Variants in MACF1 observed in about 807,000 individuals in gnomAD.
MACF1 encodes microtubule actin crosslinking factor 1.
MACF1 carries 193 observed loss-of-function variants against 854.8 expected under a neutral mutation model. That is an observed-to-expected ratio of 0.23 (90% CI 0.20 to 0.25). The LOEUF (loss-of-function observed/expected upper bound fraction) is 0.25, where lower values mean the gene tolerates loss of function less well. Among genes scored for constraint, MACF1 ranks in the 10% least tolerant of loss-of-function variants. MACF1 has a pLI of 1.00. For missense variants in MACF1, 7,722 were observed against 8,929.1 expected (o/e 0.86, Z 5.45); for synonymous variants, 3,185 against 3,226.7 (o/e 0.99, Z 0.44).
intron 70 of MACF1, chr1:39,436,071 C>T (rs953761587): frequency 1.5e-5 from 6 of 407,554 alleles, no homozygotes; most frequent in Admixed American, 4.2e-5. Context: ...GATTCAAAAG[C>T]AGTGACTGCC....
intron 2 of MACF1, among the ~76,000 whole-genome samples, chr1:39,101,370 AT>A (rs1388179503): frequency 0.034 from 2,346 of 69,042 alleles, 50 homozygotes; most frequent in African/African-American, 0.1. Context: ...AAAAAAAAAA[AT>A]ATGTATATAT....
Position 39,105,324 on chromosome 1 carries a change from C to CGCT in MACF1, c.220+20888_220+20889insTGC. The CGCT allele has an allele frequency of 1.2e-6, 1 of 831,178 alleles. No homozygotes were observed. Among genetic ancestry groups the CGCT allele is most frequent in the African/African-American group, 1.8e-5 (1 of 54,076 alleles). 51.5% of individuals were successfully genotyped at this position (831,178 alleles called of 1,614,324 possible). On this transcript the variant is annotated intron_variant, in intron 2 of 93. Transcript: ENST00000361689. The surrounding 1 kb of genome is among the most constrained non-coding windows in gnomAD (Gnocchi z 5.9). ...GCCTGGCGCTCCTGACAGGAGGAGCCGCCGCCGCCGCCCGCCGCTGCAGCC... is the reference window on the plus strand; with the variant it reads ...GCCTGGCGCTCCTGACAGGAGGAGCCGCTGCCGCCGCCGCCCGCCGCTGCAGCC...
In MACF1 at chr1:39,334,943, A is replaced by G; in HGVS notation, c.8355A>G (p.Gln2785=). 1 of 1,614,204 alleles carries G rather than the reference A, an allele frequency of 6.2e-7. No homozygotes were observed. The highest frequency in any genetic ancestry group is 8.5e-7 in the Non-Finnish European group (1 of 1,180,012). ...KQEGIEVCAL[Q]NEFLGKDMLI... ...AAGGGATTGAAGTGTGTGCATTACA[A>G]AATGAATTTCTAGGAAAGGATATGT... Residue 2785 remains glutamine, a synonymous_variant, in exon 37 of 101, where the codon CAA becomes CAG. Transcript: ENST00000564288.
rs1400131177 is a variant in MACF1, at chr1:39,186,208, CTCTCTCTGTGTGTG to C, written c.221-44972_221-44959del. On this transcript the variant is annotated intron_variant, in intron 2 of 93. Transcript: ENST00000361689. The stretch of plus-strand genomic sequence containing the variant: ...TCTCTCTCTCTCTCTCTCTCTCTCT[CTCTCTCTGTGTGTG>C]TGTGTGTGTGTGTGTGTGTGTGTGT... Among the ~76,000 whole-genome samples, 9 of 62,284 alleles carry C rather than the reference CTCTCTCTGTGTGTG, an allele frequency of 1.4e-4. 1 individual carries two copies. The East Asian group carries it at 4.4e-3, about 31-fold the overall frequency. The allele number at this position is 62,284 out of a possible 152,430, so 40.9% of individuals were successfully genotyped here.
chr1:39,475,227 G>A (rs1203006894), intron 97 of MACF1, among the ~76,000 whole-genome samples: 2 of 152,178 alleles, frequency 1.3e-5, no homozygotes, highest in Non-Finnish European at 2.9e-5. Flanking sequence ...CTCACTTGGG[G>A]AATTCTGCTA....
intron 52 of MACF1, among the ~76,000 whole-genome samples, 162 bp from the exon 53 acceptor site, chr1:39,378,299 G>A (rs1649889297): frequency 6.6e-6 from 1 of 152,186 alleles, no homozygotes; most frequent in South Asian, 2.1e-4. Flanking sequence ...TTGTTGCCTG[G>A]CAGCTAAAAT....
chr1:39,093,482 A>ATTT (rs35211687), intron 2 of MACF1, among the ~76,000 whole-genome samples: 17 of 104,260 alleles, frequency 1.6e-4, no homozygotes, highest in Non-Finnish European at 2.1e-4. Flanking sequence ...CGCCTGGCTA[A>ATTT]TTTTTTTTTT....
At chr1:39,265,787 C>T (rs1488381494) in intron 6 of MACF1, among the ~76,000 whole-genome samples, 5 of 152,126 alleles carry the variant, frequency 3.3e-5, no homozygotes, top group Non-Finnish European at 7.4e-5. Flanking sequence ...AGGATCCCCC[C>T]GGGGGCTGGG....
chr1:39,324,136 C>A, intron 33 of MACF1, 57 bp from the exon 34 acceptor site: 1 of 1,503,644 alleles, frequency 6.7e-7, no homozygotes, highest in Non-Finnish European at 8.9e-7. Flanking sequence ...AATCTGAAGT[C>A]GTGCCAGCCT....
chr1:39,294,508 A>G (rs1330532986), intron 18 of MACF1, among the ~76,000 whole-genome samples: 1 of 152,240 alleles, frequency 6.6e-6, no homozygotes, highest in Non-Finnish European at 1.5e-5. Context: ...GGATACTATA[A>G]TACAATAAAC....
chr1:39,108,206 G>A (rs941934650), intron 2 of MACF1, among the ~76,000 whole-genome samples: 1 of 152,114 alleles, frequency 6.6e-6, no homozygotes, highest in Non-Finnish European at 1.5e-5. Flanking sequence ...AATAACACTG[G>A]ATTCTAACAG....
intron 2 of MACF1, among the ~76,000 whole-genome samples, chr1:39,242,934 A>G (rs1403650460): frequency 6.6e-6 from 1 of 152,038 alleles, no homozygotes; most frequent in Non-Finnish European, 1.5e-5. Flanking sequence ...GTCTGGACGT[A>G]TGTTTTCAGT....
chr1:39,128,919 G>A (rs963642277), intron 2 of MACF1, among the ~76,000 whole-genome samples: 1 of 152,164 alleles, frequency 6.6e-6, no homozygotes, highest in Non-Finnish European at 1.5e-5. Context: ...ATCGTCACTT[G>A]TATTTTATTA....
In MACF1 at chr1:39,353,123, G is replaced by T. The variant is rs1647248719; in HGVS notation, c.11316G>T (p.Glu3772Asp). ...GQLLTNLPGM[E>D]QLSGASLEKG... Reference sequence around the variant, plus strand: ...TGCTGACCAACCTTCCAGGAATGGAGCAGCTCTCGGGAGCTAGCTTGGAGA... The same window carrying T: ...TGCTGACCAACCTTCCAGGAATGGATCAGCTCTCGGGAGCTAGCTTGGAGA... Residue 3772 changes from glutamate (E) to aspartate (D), a missense_variant, in exon 44 of 101, where the codon GAG (glutamate) becomes GAT (aspartate). Coordinates refer to ENST00000564288, the MANE Select transcript of MACF1 (RefSeq NM_001394062.1). 1.2e-6 allele frequency: 2 copies of T among 1,614,150 alleles called. No individual in the cohort carries two copies. Among genetic ancestry groups the T allele is most frequent in the Non-Finnish European group, 8.5e-7 (1 of 1,179,988 alleles).
chr1:39,322,578 G>A lies in MACF1; in HGVS notation c.4030-30G>A, dbSNP rs771778383. 2.0e-6 allele frequency: 3 copies of A among 1,535,384 alleles called. No homozygotes were observed. The South Asian group carries it at 3.4e-5, about 17-fold the overall frequency. On this transcript the variant is annotated intron_variant, in intron 31 of 100. Transcript: ENST00000564288. ...ATGTATGTGAATTATAAAACCCTGAGTAACTGTAGCGAAATTCATCCTTTC... is the reference window on the plus strand; with the variant it reads ...ATGTATGTGAATTATAAAACCCTGAATAACTGTAGCGAAATTCATCCTTTC...
intron 58 of MACF1, among the ~76,000 whole-genome samples, chr1:39,408,728 C>T (rs984838816): frequency 2.0e-5 from 3 of 152,066 alleles, no homozygotes; most frequent in Non-Finnish European, 4.4e-5. Context: ...CGCGCGGGTT[C>T]CGTTCCTCTC....
intron 2 of MACF1, among the ~76,000 whole-genome samples, chr1:39,244,061 C>A (rs554337613): frequency 2.2e-4 from 33 of 152,034 alleles, no homozygotes; most frequent in African/African-American, 7.2e-4. Flanking sequence ...CTCCCATTAC[C>A]TCTCTCTGTA....
chr1:39,334,438 G>T lies in MACF1; in HGVS notation c.7850G>T (p.Gly2617Val), dbSNP rs1195893520. Residue 2617 changes from glycine to valine, a missense_variant, in exon 37 of 101, where the codon GGC (glycine) becomes GTC (valine). By Grantham distance (109) the Gly-to-Val change is moderately radical (BLOSUM62 -3). Around this residue, in one of 15 missense-constraint regions of MACF1, gnomAD observed 1,531 missense variants for 1,601.6 expected, o/e 0.96. Transcript: ENST00000564288. ...GTATTGTCTCCAGGAATGATGCATG[G>T]CATTGTAGATCCCGAGAACTGCAGA... The part of the protein sequence containing the change: ...EAVLSPGMMH[G>V]IVDPENCRIV... The T allele has an allele frequency of 6.2e-7, 1 of 1,613,956 alleles. No individual in the cohort carries two copies. The highest frequency in any genetic ancestry group is 1.1e-5 in the South Asian group (1 of 91,074).
chr1:39,307,276 T>C (rs1388563048), intron 23 of MACF1, among the ~76,000 whole-genome samples: 1 of 6,522 alleles, frequency 1.5e-4, no homozygotes, highest in Non-Finnish European at 3.0e-4. Context: ...TTCTTTCTCT[T>C]TTTTTTTTTT....
Sources: gnomAD v4.1 joint callset for allele counts (sites outside exome capture counted in the v4.1 genomes callset) on GRCh38, gnomAD v4.1.1 for gene constraint, gnomAD v4.1.1 regional missense constraint, Gnocchi (gnomAD v3.1) non-coding constraint, MANE v1.5 for transcripts, NCBI Gene and HGNC (gene_info 2026-07-23, HGNC 2026-07-21) for gene names.